The following ASAP1 variants were observed in gnomAD, a reference collection of about 807,000 sequenced individuals.
ASAP1 encodes the protein arf-GAP with SH3 domain, ANK repeat and PH domain-containing protein 1.
Under a neutral mutation model 145.2 loss-of-function variants are expected in ASAP1, and 43 were observed. That is an observed-to-expected ratio of 0.30 (90% confidence interval 0.23 to 0.38). ASAP1 has a LOEUF of 0.38. Among genes scored for constraint, ASAP1 ranks in the 10% least tolerant of loss-of-function variants. The pLI is 1.00. For synonymous variants in ASAP1, 546 were observed against 515.5 expected (o/e 1.06, Z -0.80); for missense variants, 1,018 against 1,355.3 (o/e 0.75, Z 3.91).
At chr8:130,391,295 T>C (rs1204266641) in intron 2 of ASAP1, among the ~76,000 whole-genome samples, 1 of 151,706 alleles carries the variant, frequency 6.6e-6, no homozygotes, top group South Asian at 2.1e-4. Flanking sequence ...AGAGAAGGAG[T>C]TGTCATTTGA....
chr8:130,305,059 G>C (rs945572332), intron 3 of ASAP1, among the ~76,000 whole-genome samples: 1 of 152,078 alleles, frequency 6.6e-6, no homozygotes, highest in African/African-American at 2.4e-5. Context: ...GAACCTACCT[G>C]AGGACCTTCG....
intron 24 of ASAP1, among the ~76,000 whole-genome samples, chr8:130,110,700 T>C (rs2097545270): frequency 6.6e-6 from 1 of 152,238 alleles, no homozygotes; most frequent in Admixed American, 6.5e-5. Context: ...TTTTAACTTT[T>C]CTCTATTACT....
At chr8:130,068,062 G>A (rs2097434118) in intron 27 of ASAP1, among the ~76,000 whole-genome samples, 1 of 152,046 alleles carries the variant, frequency 6.6e-6, no homozygotes, top group African/African-American at 2.4e-5. Context: ...GGTCACCCAG[G>A]GTATGAAGCC....
intron 4 of ASAP1, among the ~76,000 whole-genome samples, chr8:130,215,060 C>T (rs935089157): frequency 3.1e-4 from 47 of 151,828 alleles, no homozygotes; most frequent in African/African-American, 1.1e-3. Flanking sequence ...GCCACCATGC[C>T]CGGCTAATTT....
At chr8:130,442,389 C>T (rs1830515687) in intron 1 of ASAP1, among the ~76,000 whole-genome samples, 2 of 152,178 alleles carry the variant, frequency 1.3e-5, no homozygotes, top group South Asian at 4.1e-4. Context: ...TCTTTCCAAA[C>T]TGTTCACTGG....
At chr8:130,426,406 G>T (rs1037495672) in intron 1 of ASAP1, among the ~76,000 whole-genome samples, 4 of 150,372 alleles carry the variant, frequency 2.7e-5, no homozygotes, top group African/African-American at 9.8e-5. Context: ...CTAATACACT[G>T]GTTAGGAAAA....
intron 1 of ASAP1, among the ~76,000 whole-genome samples, chr8:130,402,438 G>A (rs1341011680): frequency 1.3e-5 from 2 of 152,154 alleles, no homozygotes; most frequent in Non-Finnish European, 2.9e-5. Flanking sequence ...CAGCCCCTCT[G>A]AACCTGGGAG....
At chr8:130,124,229 C>A in intron 17 of ASAP1, 125 bp from the exon 18 acceptor site, 1 of 694,440 alleles carries the variant, frequency 1.4e-6, no homozygotes, top group South Asian at 1.7e-5. Flanking sequence ...GAATACAAAC[C>A]ACCGTCCATC....
chr8:130,228,070 A>G (rs116265001), intron 4 of ASAP1, among the ~76,000 whole-genome samples: 2,269 of 152,300 alleles, frequency 0.015, 30 homozygotes, highest in African/African-American at 0.038. Context: ...AGAGGCTACA[A>G]AAGTATCTTC....
chr8:130,431,464 C>A (rs1263289881), intron 1 of ASAP1, among the ~76,000 whole-genome samples: 1 of 152,188 alleles, frequency 6.6e-6, no homozygotes, highest in Non-Finnish European at 1.5e-5. Flanking sequence ...CCAGCACATA[C>A]TGTGCTATTG....
chr8:130,388,157 G>GCAGA (rs1384468479), intron 2 of ASAP1, among the ~76,000 whole-genome samples: 1 of 152,222 alleles, frequency 6.6e-6, no homozygotes, highest in East Asian at 1.9e-4. Flanking sequence ...CATGAAGCAG[G>GCAGA]GTCCTGAGAC....
intron 3 of ASAP1, among the ~76,000 whole-genome samples, chr8:130,302,201 A>G (rs1822719288): frequency 6.6e-6 from 1 of 152,270 alleles, no homozygotes; most frequent in Non-Finnish European, 1.5e-5. Context: ...CACCTTAATC[A>G]GTAAAAAGGC....
chr8:130,208,281 C>T (rs1256624074), intron 5 of ASAP1, among the ~76,000 whole-genome samples: 3 of 152,106 alleles, frequency 2.0e-5, no homozygotes, highest in Non-Finnish European at 4.4e-5. Context: ...TTTTTGCATG[C>T]ATTCATTGTT....
intron 3 of ASAP1, among the ~76,000 whole-genome samples, chr8:130,270,157 G>T (rs1034636157): frequency 6.6e-6 from 1 of 152,190 alleles, no homozygotes; most frequent in Admixed American, 6.5e-5. Flanking sequence ...GTGACAGAGC[G>T]AGAATCTTGT....
At chr8:130,309,110 C>G (rs1242690710) in intron 3 of ASAP1, among the ~76,000 whole-genome samples, 1 of 152,112 alleles carries the variant, frequency 6.6e-6, no homozygotes, top group African/African-American at 2.4e-5. Context: ...AAGCACCTAT[C>G]CATCAAAGAG....
chr8:130,054,649 T>A lies in ASAP1; in HGVS notation c.*82A>T. ...GAGTTTCTTACTCTGTAACAGCAGCTATATACACACTGTGCCCAGGGTTAC... is the reference window on the plus strand; with the variant it reads ...GAGTTTCTTACTCTGTAACAGCAGCAATATACACACTGTGCCCAGGGTTAC... On this transcript the variant is annotated 3_prime_UTR_variant, in exon 30 of 30. Transcript: ENST00000518721. 8.4e-7 allele frequency: 1 copy of A among 1,186,396 alleles called. No homozygotes were observed. Among genetic ancestry groups the A allele is most frequent in the Non-Finnish European group, 1.3e-6 (1 of 793,700 alleles). 73.5% of individuals were successfully genotyped at this position (1,186,396 alleles called of 1,614,324 possible). A position where few individuals can be genotyped will look rare whatever the true frequency, so the allele number is the denominator to read the frequency against.
chr8:130,363,342 A>G (rs1565250005), intron 2 of ASAP1, among the ~76,000 whole-genome samples: 2 of 152,274 alleles, frequency 1.3e-5, no homozygotes, highest in Admixed American at 6.5e-5. Flanking sequence ...TCTGGACAAC[A>G]TGGCGAGACT....
At chr8:130,361,570 G>C in intron 2 of ASAP1, 1 of 925,822 alleles carries the variant, frequency 1.1e-6, no homozygotes. Context: ...CTTTGGCCAA[G>C]AAAGGAATAT....
chr8:130,440,504 C>CAA (rs1306930658), intron 1 of ASAP1, among the ~76,000 whole-genome samples: 1,984 of 111,662 alleles, frequency 0.018, 21 homozygotes, highest in East Asian at 0.056. Context: ...TAGACTCTGT[C>CAA]AAAAAAAAAA....
Sources: allele counts gnomAD v4.1 joint callset (sites outside exome capture counted in the v4.1 genomes callset), GRCh38; gene constraint gnomAD v4.1.1; transcripts MANE v1.5; gene names NCBI Gene and HGNC (gene_info 2026-07-23, HGNC 2026-07-21).